Variants in PUS10 observed in about 807,000 individuals in gnomAD.
PUS10 encodes the protein tRNA pseudouridine synthase Pus10.
PUS10 carries 59 observed loss-of-function variants against 75.0 expected under a neutral mutation model. The ratio of observed to expected loss-of-function variants is 0.79; its 90% CI spans 0.64 to 0.98. The LOEUF (loss-of-function observed/expected upper bound fraction) is 0.98, where lower values mean the gene tolerates loss of function less well. Ranked by LOEUF, PUS10 falls within the 50% of genes least tolerant of loss-of-function variation. PUS10 has a pLI of 0.00. For missense variants in PUS10, 650 were observed against 614.4 expected (o/e 1.06, Z -0.61); for synonymous variants, 219 against 211.6 (o/e 1.03, Z -0.30).
intron 4 of PUS10, among the ~76,000 whole-genome samples, chr2:60,982,726 G>A (rs936569448): frequency 1.3e-5 from 2 of 152,074 alleles, no homozygotes; most frequent in Admixed American, 1.3e-4. Flanking sequence ...AAACCTCACA[G>A]TTCTTTCCAA....
At chr2:60,982,227 T>A (rs1421453663) in intron 4 of PUS10, among the ~76,000 whole-genome samples, 2 of 152,044 alleles carry the variant, frequency 1.3e-5, no homozygotes, top group African/African-American at 2.4e-5. Context: ...TCTGTCTTTA[T>A]CTTGATCCCT....
In PUS10 at chr2:60,962,886, A is replaced by G; in HGVS notation, c.728T>C (p.Val243Ala). ...TTTCATAACTGCCATTCTAGTGAAT[A>G]CAGACTATATAGGGTAAAATGAGAA... ...CFKPAKNKQS[V>A]FTRMAVMKAL... The change falls in exon 9 of 18, where the codon GTA (valine) becomes GCA (alanine). Residue 243 changes from valine (V) to alanine (A), a missense_variant. Coordinates refer to ENST00000316752, the MANE Select transcript of PUS10 (RefSeq NM_144709.4). 1 of 1,568,214 alleles carries G rather than the reference A, an allele frequency of 6.4e-7. No homozygotes were observed. The highest frequency in any genetic ancestry group is 1.2e-5 in the South Asian group (1 of 85,228).
At chr2:60,978,725 C>T (rs1321483674) in intron 4 of PUS10, among the ~76,000 whole-genome samples, 1 of 152,146 alleles carries the variant, frequency 6.6e-6, no homozygotes, top group Non-Finnish European at 1.5e-5. Flanking sequence ...GGAATGCCCA[C>T]TCTGGTTGCA....
At chr2:60,947,059 A>G (rs1159101774) in intron 16 of PUS10, among the ~76,000 whole-genome samples, 14 of 152,222 alleles carry the variant, frequency 9.2e-5, no homozygotes, top group Non-Finnish European at 1.5e-5. Flanking sequence ...TGATACAAAA[A>G]TCATACAAGT....
chr2:60,953,107 T>C lies in PUS10; in HGVS notation c.1198A>G (p.Ile400Val), dbSNP rs963202972. The part of the protein sequence containing the change: ...RDLQLVTREA[I>V]GHMKEGEEEK... ...TCTTCACCTTCTTTCATATGTCCTA[T>C]TGCCTCTCTAAACAAAAACAATTTT... is the stretch of plus-strand genomic sequence containing the variant. Residue 400 changes from isoleucine to valine, a missense_variant, in exon 15 of 18, where the codon ATA becomes GTA. Transcript: ENST00000316752. 1 of 1,559,890 alleles carries C rather than the reference T, an allele frequency of 6.4e-7. No homozygotes were observed. The highest frequency in any genetic ancestry group is 8.8e-7 in the Non-Finnish European group (1 of 1,137,376).
At chr2:60,947,697 C>T (rs1336526096) in intron 16 of PUS10, among the ~76,000 whole-genome samples, 1 of 151,698 alleles carries the variant, frequency 6.6e-6, no homozygotes, top group East Asian at 1.9e-4. Context: ...GGCGTGGTGG[C>T]AGGCGCCTGT....
intron 12 of PUS10, among the ~76,000 whole-genome samples, chr2:60,954,524 G>C (rs150664153): frequency 6.6e-6 from 1 of 152,202 alleles, no homozygotes; most frequent in African/African-American, 2.4e-5. Context: ...ATCCACTAGT[G>C]AAATGGAAAA....
chr2:61,017,381 T>G (rs568096799), intron 1 of PUS10: 4 of 179,522 alleles, frequency 2.2e-5, no homozygotes, highest in African/African-American at 7.1e-5. Flanking sequence ...CACCTCACCC[T>G]ACCTCCCCCA....
chr2:60,984,156 T>G lies in PUS10; in HGVS notation c.469-12599A>C, dbSNP rs976035022. 2.0e-5 allele frequency among the ~76,000 whole-genome samples: 3 copies of G among 152,162 alleles called. No individual in the cohort carries two copies. The East Asian group carries it at 5.8e-4, about 29-fold the overall frequency. On this transcript the variant is annotated intron_variant, in intron 4 of 17. Transcript: ENST00000316752. Reference sequence around the variant, plus strand: ...ATGAAAAGTTCCATAAAATTAGAAATTTATGTTTGTTAAATGACCACAAAC... The same window carrying G: ...ATGAAAAGTTCCATAAAATTAGAAAGTTATGTTTGTTAAATGACCACAAAC...
intron 15 of PUS10, among the ~76,000 whole-genome samples, chr2:60,951,577 G>C (rs975259531): frequency 7.9e-5 from 12 of 152,220 alleles, no homozygotes; most frequent in African/African-American, 2.9e-4. Flanking sequence ...ACGAGGGTTC[G>C]TGCTTTTATA....
chr2:60,960,149 CAAA>C (rs559273848), intron 11 of PUS10, among the ~76,000 whole-genome samples: 2 of 88,290 alleles, frequency 2.3e-5, no homozygotes. Context: ...CAGGCTCTCT[CAAA>C]AAAAAAAAAA....
chr2:61,010,994 T>G, intron 2 of PUS10: 1 of 1,390,162 alleles, frequency 7.2e-7, no homozygotes, highest in East Asian at 2.5e-5. Context: ...TGTATTATTA[T>G]TGCCAAAATA....
intron 16 of PUS10, among the ~76,000 whole-genome samples, chr2:60,945,382 G>C (rs955812136): frequency 1.3e-5 from 2 of 152,150 alleles, no homozygotes; most frequent in South Asian, 2.1e-4. Context: ...GCCAAGGTTT[G>C]GATGTGGATT....
chr2:61,005,391 T>G (rs1002818256), intron 4 of PUS10, among the ~76,000 whole-genome samples: 2 of 152,250 alleles, frequency 1.3e-5, no homozygotes, highest in Non-Finnish European at 2.9e-5. Context: ...AATATGAATC[T>G]TAATGTAAAA....
At chr2:60,990,327 T>C (rs1677998732) in intron 4 of PUS10, among the ~76,000 whole-genome samples, 1 of 152,132 alleles carries the variant, frequency 6.6e-6, no homozygotes, top group African/African-American at 2.4e-5. Flanking sequence ...AAAAATTGCA[T>C]GAAGACATCA....
chr2:60,981,582 T>C (rs1177201141), intron 4 of PUS10, among the ~76,000 whole-genome samples: 2 of 152,230 alleles, frequency 1.3e-5, no homozygotes, highest in Non-Finnish European at 2.9e-5. Context: ...GTGCCTGGCC[T>C]AAAAAATATT....
At chr2:60,994,723 G>C (rs1678335932) in intron 4 of PUS10, among the ~76,000 whole-genome samples, 2 of 152,148 alleles carry the variant, frequency 1.3e-5, no homozygotes, top group South Asian at 4.1e-4. Flanking sequence ...GGACCATTTG[G>C]AGAAAGAAAA....
chr2:60,955,113 C>T, intron 11 of PUS10, 39 bp from the exon 12 acceptor site: 2 of 1,302,120 alleles, frequency 1.5e-6, no homozygotes, highest in Non-Finnish European at 2.2e-6. Context: ...TTAGAGACAT[C>T]ATAGCTCTAA....
chr2:60,952,383 A>T (rs1675397727), intron 15 of PUS10, among the ~76,000 whole-genome samples: 1 of 151,960 alleles, frequency 6.6e-6, no homozygotes, highest in Non-Finnish European at 1.5e-5. Flanking sequence ...TTTTTATAAG[A>T]AGAGGTGGGG....
Sources: gnomAD v4.1 joint callset for allele counts (sites outside exome capture counted in the v4.1 genomes callset) on GRCh38, gnomAD v4.1.1 for gene constraint, MANE v1.5 for transcripts, NCBI Gene and HGNC (gene_info 2026-07-23, HGNC 2026-07-21) for gene names.